The following FOXO1 variants were observed in gnomAD, a reference collection of about 807,000 sequenced individuals.
The protein encoded by FOXO1 is forkhead box O1.
FOXO1 carries 6 observed loss-of-function variants against 44.1 expected under a neutral mutation model. That is an observed-to-expected ratio of 0.14 (90% CI 0.07 to 0.27). The LOEUF (loss-of-function observed/expected upper bound fraction) is 0.27, where lower values mean the gene tolerates loss of function less well. FOXO1 is among the 10% of genes least tolerant of loss of function. The pLI, the probability that FOXO1 is intolerant of heterozygous loss-of-function variation, is 1.00. For synonymous variants in FOXO1, 380 were observed against 362.7 expected, an observed-to-expected ratio of 1.05 and a Z score of -0.54; for missense variants, 737 against 888.8, an observed-to-expected ratio of 0.83 and a Z score of 2.17.
intron 1 of FOXO1, among the ~76,000 whole-genome samples, chr13:40,598,344 G>C (rs1271584236): frequency 6.6e-6 from 1 of 152,062 alleles, no homozygotes; most frequent in Non-Finnish European, 1.5e-5. Flanking sequence ...TGTTGTTACT[G>C]TTTCTTTAAA....
chr13:40,577,699 TTAATCTAAA>T (rs1314985884), intron 1 of FOXO1, among the ~76,000 whole-genome samples: 1 of 152,198 alleles, frequency 6.6e-6, no homozygotes. Flanking sequence ...ATCACCTCCA[TTAATCTAAA>T]GTTTTTGTCG....
intron 1 of FOXO1, among the ~76,000 whole-genome samples, chr13:40,665,121 G>A (rs34339466): frequency 4.0e-5 from 6 of 151,160 alleles, no homozygotes; most frequent in Non-Finnish European, 8.9e-5. Context: ...CGAGGCTCCG[G>A]GGCCCCTCGC....
intron 1 of FOXO1, among the ~76,000 whole-genome samples, chr13:40,637,707 A>G (rs1410846962): frequency 6.6e-6 from 1 of 152,208 alleles, no homozygotes; most frequent in African/African-American, 2.4e-5. Context: ...AAGAGTTACT[A>G]TTTACATTCT....
At chr13:40,653,818 T>C (rs1433247672) in intron 1 of FOXO1, among the ~76,000 whole-genome samples, 1 of 152,148 alleles carries the variant, frequency 6.6e-6, no homozygotes, top group Admixed American at 6.5e-5. Context: ...AAGGCAGTAC[T>C]ATAACACCTT....
At chr13:40,648,110 A>C (rs1319440905) in intron 1 of FOXO1, among the ~76,000 whole-genome samples, 1 of 152,150 alleles carries the variant, frequency 6.6e-6, no homozygotes, top group Non-Finnish European at 1.5e-5. Flanking sequence ...GCCTTATGTC[A>C]ATTTAATTAT....
At chr13:40,574,799 T>C (rs375120272) in intron 1 of FOXO1, among the ~76,000 whole-genome samples, 2 of 152,222 alleles carry the variant, frequency 1.3e-5, no homozygotes, top group East Asian at 1.9e-4. Flanking sequence ...AAAACAATCA[T>C]TCTTCAGTGG....
chr13:40,621,394 A>AT lies in FOXO1; in HGVS notation c.630+44188dup, dbSNP rs558229086. ...AAATATTGTATTTTAGTAGAACTGA[A>AT]TGTTCAAGCATTGTTTTGCTGAGTT... On this transcript the variant is annotated intron_variant, in intron 1 of 2. Transcript: ENST00000379561. 3.6e-4 allele frequency: 115 copies of AT among 315,208 alleles called. 1 individual carries two copies. In the South Asian group the frequency reaches 8.3e-3, roughly 23 times the overall value. 19.5% of individuals were successfully genotyped at this position (315,208 alleles called of 1,614,324 possible). A position where few individuals can be genotyped will look rare whatever the true frequency, so the allele number is the denominator to read the frequency against.
At position 40,602,046 on chromosome 13, in the gene FOXO1, G is replaced by C. The variant is rs537904192; in HGVS notation, c.631-41186C>G. On this transcript the variant is annotated intron_variant, in intron 1 of 2. Coordinates refer to ENST00000379561, the MANE Select transcript of FOXO1 (RefSeq NM_002015.4). Reference sequence around the variant, plus strand: ...CATAGAAAGATTCATGTAAACCTTAGTCCCATCACTAAAGCAAAAGACAAG... The same window carrying C: ...CATAGAAAGATTCATGTAAACCTTACTCCCATCACTAAAGCAAAAGACAAG... 3.3e-5 allele frequency among the ~76,000 whole-genome samples: 5 copies of C among 152,242 alleles called. No homozygotes were observed. In the South Asian group the frequency reaches 8.3e-4, roughly 25 times the overall value.
intron 1 of FOXO1, among the ~76,000 whole-genome samples, chr13:40,631,761 A>G (rs79918395): frequency 0.016 from 2,412 of 152,330 alleles, 53 homozygotes; most frequent in African/African-American, 0.052. Flanking sequence ...AAGCCTGAAG[A>G]AGGAGGAAAT....
At chr13:40,649,913 C>T (rs1566085042) in intron 1 of FOXO1, among the ~76,000 whole-genome samples, 1 of 152,294 alleles carries the variant, frequency 6.6e-6, no homozygotes, top group East Asian at 1.9e-4. Flanking sequence ...CAAACTATTA[C>T]AGGAAAGGGG....
intron 1 of FOXO1, among the ~76,000 whole-genome samples, chr13:40,611,632 T>C (rs182160330): frequency 1.3e-5 from 2 of 152,244 alleles, no homozygotes; most frequent in Admixed American, 6.5e-5. Flanking sequence ...CCCCTAAACA[T>C]GGATGGCATG....
At chr13:40,608,952 A>G (rs1191480045) in intron 1 of FOXO1, among the ~76,000 whole-genome samples, 1 of 152,202 alleles carries the variant, frequency 6.6e-6, no homozygotes, top group Non-Finnish European at 1.5e-5. Context: ...TGCAGGTACT[A>G]AAGATTTTTA....
intron 1 of FOXO1, among the ~76,000 whole-genome samples, chr13:40,654,322 TAAAAAAAAAAAAA>T (rs11344939): frequency 1.1e-3 from 54 of 48,198 alleles, no homozygotes; most frequent in East Asian, 4.0e-3. Context: ...CTAAAAATAC[TAAAAAAAAAAAAA>T]AAAAAAAAAA....
At chr13:40,612,960 C>T (rs1006097827) in intron 1 of FOXO1, among the ~76,000 whole-genome samples, 1 of 152,106 alleles carries the variant, frequency 6.6e-6, no homozygotes, top group African/African-American at 2.4e-5. Flanking sequence ...TTAATGGCAA[C>T]GTTTTAAAAG....
rs1466104851 is a variant in FOXO1 at position 40,572,262 on chromosome 13, G to A, written c.631-11402C>T. On this transcript the variant is annotated intron_variant, in intron 1 of 2. Transcript: ENST00000379561. ...ATGTTTGCTATCTGGAAAATCTAGGGAAGAATTTATCTATTGGATACATAG... is the reference window on the plus strand; with the variant it reads ...ATGTTTGCTATCTGGAAAATCTAGGAAAGAATTTATCTATTGGATACATAG... Among the ~76,000 whole-genome samples, 9 of 152,122 alleles carry A rather than the reference G, an allele frequency of 5.9e-5. No homozygotes were observed. The East Asian group carries it at 1.7e-3, about 29-fold the overall frequency.
chr13:40,599,976 T>C (rs770360879), intron 1 of FOXO1, among the ~76,000 whole-genome samples: 36 of 152,106 alleles, frequency 2.4e-4, no homozygotes, highest in Non-Finnish European at 5.0e-4. Flanking sequence ...AATGATGAAA[T>C]GGTTCCAGCC....
chr13:40,619,652 T>G, intron 1 of FOXO1: 1 of 1,536,748 alleles, frequency 6.5e-7, no homozygotes, highest in African/African-American at 1.4e-5. Flanking sequence ...CAAACCTCAG[T>G]GAATTTCAAT....
chr13:40,599,285 T>C (rs968821645), intron 1 of FOXO1, among the ~76,000 whole-genome samples: 4 of 151,762 alleles, frequency 2.6e-5, no homozygotes, highest in South Asian at 4.2e-4. Context: ...TTATCTACTA[T>C]ACAATTCAGA....
chr13:40,596,640 G>T (rs1355103084), intron 1 of FOXO1, among the ~76,000 whole-genome samples: 1 of 152,148 alleles, frequency 6.6e-6, no homozygotes, highest in Non-Finnish European at 1.5e-5. Flanking sequence ...CTAGGGTTAG[G>T]ATTATCACTG....
Sources: allele counts gnomAD v4.1 joint callset (sites outside exome capture counted in the v4.1 genomes callset), GRCh38; gene constraint gnomAD v4.1.1; transcripts MANE v1.5; gene names NCBI Gene and HGNC (gene_info 2026-07-23, HGNC 2026-07-21).